ZNF236: variants seen among roughly 807,000 people sequenced by gnomAD.
ZNF236 encodes regulated by glucose.
In ZNF236, 50 loss-of-function variants were observed where a neutral mutation model predicts 191.2. The observed-to-expected ratio is 0.26, with a 90% confidence interval of 0.21 to 0.33. ZNF236 has a LOEUF of 0.33. Ranked by LOEUF, ZNF236 falls within the 10% of genes least tolerant of loss-of-function variation. ZNF236 has a pLI of 1.00. For missense variants in ZNF236, 1,754 were observed against 2,374.5 expected, an observed-to-expected ratio of 0.74 and a Z score of 5.43; for synonymous variants, 907 against 928.8, an observed-to-expected ratio of 0.98 and a Z score of 0.43.
At chr18:76,910,047 T>C (rs1309417856) in intron 14 of ZNF236, 21 bp from the exon 15 acceptor site, 2 of 1,587,876 alleles carry the variant, frequency 1.3e-6, no homozygotes, top group Non-Finnish European at 1.7e-6. Flanking sequence ...TGCGTCCCCC[T>C]TTTTTACATC....
Position 76,849,462 on chromosome 18 carries a change from G to C in ZNF236, c.56-64G>C, listed in dbSNP as rs768215786. On this transcript the variant is annotated intron_variant, in intron 1 of 30. Transcript: ENST00000320610. The stretch of plus-strand genomic sequence containing the variant: ...GTTTTTAAACAATAACCAATAATTT[G>C]GTTTTATTTATGTGATGAGAATAAC... 28 of 1,347,304 alleles carry C rather than the reference G, an allele frequency of 2.1e-5. No individual in the cohort carries two copies. The South Asian group carries it at 4.6e-4, about 22-fold the overall frequency. 83.5% of individuals were successfully genotyped at this position (1,347,304 alleles called of 1,614,324 possible). A position where few individuals can be genotyped will look rare whatever the true frequency, so the allele number is the denominator to read the frequency against.
chr18:76,924,985 T>G (rs977420403), intron 21 of ZNF236, among the ~76,000 whole-genome samples: 50 of 152,210 alleles, frequency 3.3e-4, no homozygotes, highest in African/African-American at 1.2e-3. Context: ...TAAATTCAAA[T>G]TGTAAACAAT....
intron 6 of ZNF236, 107 bp from the exon 7 acceptor site, chr18:76,877,902 T>A: frequency 1.1e-6 from 1 of 903,110 alleles, no homozygotes; most frequent in Non-Finnish European, 1.6e-6. Flanking sequence ...GGTTAGATTA[T>A]TTCTGTCATT....
intron 6 of ZNF236, among the ~76,000 whole-genome samples, chr18:76,876,898 T>C (rs2122629142): frequency 6.6e-6 from 1 of 152,316 alleles, no homozygotes; most frequent in East Asian, 1.9e-4. Context: ...GACTCACCTG[T>C]TGCCACTGAG....
At chr18:76,870,716 A>G (rs945950840) in intron 4 of ZNF236, among the ~76,000 whole-genome samples, 1 of 152,050 alleles carries the variant, frequency 6.6e-6, no homozygotes, top group Non-Finnish European at 1.5e-5. Flanking sequence ...GACTGGGGTG[A>G]GGAGCAGGGA....
chr18:76,898,029 A>C (rs1435715201), intron 10 of ZNF236: 2 of 152,194 alleles, frequency 1.3e-5, no homozygotes, highest in Non-Finnish European at 2.9e-5. Flanking sequence ...GCAGAGGGTG[A>C]AAAGAGACTT....
At position 76,915,657 on chromosome 18, in the gene ZNF236, G is replaced by T. The variant is rs34208338; in HGVS notation, c.3072G>T (p.Ala1024=). The change falls in exon 19 of 31, where the codon GCG becomes GCT. Residue 1024 remains alanine (A), a synonymous_variant. Coordinates refer to ENST00000320610, the MANE Select transcript of ZNF236 (RefSeq NM_001306089.2). ...SHEKTHTGVK[A]FSCSVCNASF... Reference sequence around the variant, plus strand: ...TTTCTGTGCTTGCAGGAGTGAAGGCGTTCAGCTGCAGTGTGTGCAATGCTT... The same window carrying T: ...TTTCTGTGCTTGCAGGAGTGAAGGCTTTCAGCTGCAGTGTGTGCAATGCTT... 1 of 1,613,836 alleles carries T rather than the reference G, an allele frequency of 6.2e-7. No homozygotes were observed. Among genetic ancestry groups the T allele is most frequent in the Non-Finnish European group, 8.5e-7 (1 of 1,179,998 alleles).
chr18:76,868,936 C>A, intron 4 of ZNF236, 73 bp downstream of exon 4: 1 of 1,427,390 alleles, frequency 7.0e-7, no homozygotes. Context: ...TGGTACGACC[C>A]ACTGGAAATA....
chr18:76,859,937 G>A (rs1286902039), intron 3 of ZNF236, among the ~76,000 whole-genome samples: 1 of 152,190 alleles, frequency 6.6e-6, no homozygotes. Context: ...CCTGAGTGGG[G>A]CACATCTGTG....
intron 25 of ZNF236, among the ~76,000 whole-genome samples, chr18:76,934,452 T>C (rs1568237370): frequency 6.6e-6 from 1 of 152,248 alleles, no homozygotes; most frequent in Non-Finnish European, 1.5e-5. Flanking sequence ...TCATCTCAAA[T>C]GAGTATTATC....
chr18:76,932,249 G>C (rs1299690378), intron 25 of ZNF236, among the ~76,000 whole-genome samples: 1 of 152,154 alleles, frequency 6.6e-6, no homozygotes, highest in Non-Finnish European at 1.5e-5. Context: ...CTGAGAGAGG[G>C]GCTTGGGAGT....
intron 11 of ZNF236, among the ~76,000 whole-genome samples, chr18:76,901,432 A>G (rs1161806490): frequency 6.6e-6 from 1 of 152,194 alleles, no homozygotes; most frequent in Non-Finnish European, 1.5e-5. Flanking sequence ...ATACACAACA[A>G]ATTGACAAGA....
intron 9 of ZNF236, among the ~76,000 whole-genome samples, chr18:76,883,189 T>A (rs958709133): frequency 6.6e-6 from 1 of 152,162 alleles, no homozygotes; most frequent in Non-Finnish European, 1.5e-5. Flanking sequence ...CAAGAAACCT[T>A]CCTGTACGGT....
chr18:76,966,336 C>T (rs1034370483), intron 30 of ZNF236, among the ~76,000 whole-genome samples: 6 of 149,538 alleles, frequency 4.0e-5, no homozygotes, highest in African/African-American at 1.5e-4. Flanking sequence ...CCCCCCTTCA[C>T]ACACACACAC....
intron 4 of ZNF236, among the ~76,000 whole-genome samples, 161 bp downstream of exon 4, chr18:76,869,024 A>C (rs1448813568): frequency 6.6e-6 from 1 of 152,218 alleles, no homozygotes; most frequent in African/African-American, 2.4e-5. Flanking sequence ...TGCATGGTGC[A>C]TCCCTACACA....
chr18:76,862,013 G>A (rs1976249488), intron 3 of ZNF236, among the ~76,000 whole-genome samples: 2 of 152,226 alleles, frequency 1.3e-5, no homozygotes, highest in Non-Finnish European at 2.9e-5. Context: ...ACAGGCGCCC[G>A]TCACCACGCC....
chr18:76,959,868 T>C (rs1968617584), intron 29 of ZNF236, 52 bp downstream of exon 29: 2 of 1,579,092 alleles, frequency 1.3e-6, no homozygotes, highest in South Asian at 1.2e-5. Context: ...GTAGACATCA[T>C]GGGTGAGAAA....
At chr18:76,956,246 G>C in intron 28 of ZNF236, 64 bp downstream of exon 28, 5 of 1,517,274 alleles carry the variant, frequency 3.3e-6, no homozygotes, top group Non-Finnish European at 4.4e-6. Flanking sequence ...CGGAGTCCAA[G>C]ATTTAACACT....
At chr18:76,916,931 C>T (rs1369355844) in intron 19 of ZNF236, among the ~76,000 whole-genome samples, 1 of 152,184 alleles carries the variant, frequency 6.6e-6, no homozygotes, top group Non-Finnish European at 1.5e-5. Context: ...GTCTGCTTTG[C>T]CACCATCTGA....
Sources: allele counts gnomAD v4.1 joint callset (sites outside exome capture counted in the v4.1 genomes callset), GRCh38; gene constraint gnomAD v4.1.1; transcripts MANE v1.5; gene names NCBI Gene and HGNC (gene_info 2026-07-23, HGNC 2026-07-21).